STOX2: variants seen among roughly 807,000 people sequenced by gnomAD.
STOX2 encodes the protein storkhead-box protein 2.
A neutral mutation model predicts 60.9 loss-of-function variants in STOX2; 28 were observed. The ratio of observed to expected loss-of-function variants is 0.46; its 90% CI spans 0.34 to 0.63. The LOEUF (loss-of-function observed/expected upper bound fraction) is 0.63. Ranked by LOEUF, STOX2 falls within the 30% of genes least tolerant of loss-of-function variation. The pLI, the probability that STOX2 is intolerant of heterozygous loss-of-function variation, is 0.01. For missense variants in STOX2, 1,024 were observed against 1,187.7 expected, an observed-to-expected ratio of 0.86 and a Z score of 2.03; for synonymous variants, 472 against 463.9, an observed-to-expected ratio of 1.02 and a Z score of -0.22.
In STOX2 at chr4:184,017,293, C is replaced by T. The variant is rs1734417778; in HGVS notation, c.*9C>T. 1.3e-6 allele frequency: 2 copies of T among 1,579,064 alleles called. No individual in the cohort carries two copies. Among genetic ancestry groups the T allele is most frequent in the South Asian group, 1.2e-5 (1 of 86,008 alleles). On this transcript the variant is annotated 3_prime_UTR_variant, in exon 4 of 4. Transcript: ENST00000308497. The stretch of plus-strand genomic sequence containing the variant: ...CTGTTACTAGCGTGTGATTGTCCTT[C>T]TGCCTCAGATCTTCTGTCTCATTCG...
At chr4:183,968,343 TAC>T (rs60432446) in intron 1 of STOX2, among the ~76,000 whole-genome samples, 2,208 of 145,362 alleles carry the variant, frequency 0.015, 64 homozygotes, top group East Asian at 0.13. Context: ...TGCATATACC[TAC>T]ACACACACAC....
intron 1 of STOX2, among the ~76,000 whole-genome samples, chr4:183,871,375 A>G (rs888273987): frequency 7.2e-5 from 11 of 152,162 alleles, no homozygotes; most frequent in African/African-American, 2.7e-4. Context: ...AAGTTTTTGA[A>G]CCTTGAAAAG....
chr4:183,930,839 T>A (rs1742401378), intron 1 of STOX2, among the ~76,000 whole-genome samples: 2 of 152,330 alleles, frequency 1.3e-5, no homozygotes, highest in Non-Finnish European at 2.9e-5. Flanking sequence ...GATCTACAAA[T>A]TTTCTTTTTT....
intron 1 of STOX2, among the ~76,000 whole-genome samples, chr4:183,897,144 C>T (rs1378991261): frequency 6.6e-6 from 1 of 152,204 alleles, no homozygotes; most frequent in Non-Finnish European, 1.5e-5. Flanking sequence ...TTAACATTGT[C>T]AGTCATGTCA....
rs534056577 is a variant in STOX2 at position 183,993,573 on chromosome 4, C to G, written c.167-7752C>G. On this transcript the variant is annotated intron_variant, in intron 1 of 3. Coordinates refer to ENST00000308497, the MANE Select transcript of STOX2 (RefSeq NM_020225.3). ...TAGGAATTGGACCTGCTTTAAGATACCCATTAAGTGTTGAAGTAAAGCATT... is the reference window on the plus strand; with the variant it reads ...TAGGAATTGGACCTGCTTTAAGATAGCCATTAAGTGTTGAAGTAAAGCATT... Among the ~76,000 whole-genome samples the G allele has an allele frequency of 4.6e-5, 7 of 152,194 alleles. No individual in the cohort carries two copies. In the South Asian group the frequency reaches 1.2e-3, roughly 27 times the overall value.
rs1199363509 is a variant in STOX2 at position 184,006,685 on chromosome 4, CA to C, written c.320-2454del. Among the ~76,000 whole-genome samples, 386 of 76,500 alleles carry C rather than the reference CA, an allele frequency of 5.0e-3. 5 individuals are homozygous for C. Among genetic ancestry groups the C allele is most frequent in the South Asian group, 0.05 (94 of 1,896 alleles). 50.2% of individuals were successfully genotyped at this position (76,500 alleles called of 152,430 possible). On this transcript the variant is annotated intron_variant, in intron 2 of 3. Transcript: ENST00000308497. ...CCTGCGCAAGGGTGAGACCCTGTCT[CA>C]AAAAAAAAAAAAAAAAAAGGAAAAA...
chr4:184,007,015 C>CAAAAAAAAAAAA (rs61393267), intron 2 of STOX2, among the ~76,000 whole-genome samples: 6 of 52,764 alleles, frequency 1.1e-4, no homozygotes, highest in African/African-American at 4.5e-4. Context: ...GACTCTGTCT[C>CAAAAAAAAAAAA]AAAAAAAAAA....
Position 184,010,748 on chromosome 4 carries a change from C to T in STOX2, c.1910C>T (p.Ser637Phe), listed in dbSNP as rs1422184560. The T allele has an allele frequency of 6.3e-7, 1 of 1,588,750 alleles. No homozygotes were observed. ...TTGGCAGAAGGGGTGAAAAAGCTCT[C>T]CCCTTCTGATAGGCAGGTCCCCCAC... ...LTLAEGVKKL[S>F]PSDRQVPHSS... Residue 637 changes from serine (S) to phenylalanine (F), a missense_variant, in exon 3 of 4, where the codon TCC (serine) becomes TTC (phenylalanine). This residue lies in a region of STOX2 where 922 missense variants were observed against 1,058.3 expected (regional missense o/e 0.87). Coordinates refer to ENST00000308497, the MANE Select transcript of STOX2 (RefSeq NM_020225.3). The surrounding 1 kb of genome is among the most constrained non-coding windows in gnomAD (Gnocchi z 4.5).
In STOX2 at chr4:183,950,288, G is replaced by C. The variant is rs571724842; in HGVS notation, c.166+43332G>C. Among the ~76,000 whole-genome samples, 3 of 152,276 alleles carry C rather than the reference G, an allele frequency of 2.0e-5. No individual in the cohort carries two copies. The South Asian group carries it at 6.2e-4, about 32-fold the overall frequency. On this transcript the variant is annotated intron_variant, in intron 1 of 3. Transcript: ENST00000308497. ...GTGTGGGGGATTATCCAAGGATATCGGGTAGTGAGCAAAGTTGAAATGGTC... is the reference window on the plus strand; with the variant it reads ...GTGTGGGGGATTATCCAAGGATATCCGGTAGTGAGCAAAGTTGAAATGGTC...
intron 1 of STOX2, among the ~76,000 whole-genome samples, chr4:183,949,476 G>A (rs1743003711): frequency 6.6e-6 from 1 of 152,028 alleles, no homozygotes. Flanking sequence ...GAGGTGGGCG[G>A]ATTACAAGGT....
At chr4:183,818,915 G>A (rs1041576470) in intron 1 of STOX2, among the ~76,000 whole-genome samples, 17 of 152,064 alleles carry the variant, frequency 1.1e-4, no homozygotes, top group Non-Finnish European at 1.9e-4. Flanking sequence ...TGGGATGGCG[G>A]CCGGGAAGAG....
intron 1 of STOX2, among the ~76,000 whole-genome samples, chr4:183,968,851 T>G (rs1048525937): frequency 6.6e-6 from 1 of 152,194 alleles, no homozygotes; most frequent in Non-Finnish European, 1.5e-5. Flanking sequence ...AGAGGGAAAT[T>G]TTAAAGACTT....
intron 3 of STOX2, chr4:184,014,826 A>C (rs1319024962): frequency 1.3e-5 from 2 of 152,184 alleles, no homozygotes; most frequent in African/African-American, 4.8e-5. Flanking sequence ...CTTACAGTAG[A>C]GACAGACCCC....
intron 1 of STOX2, among the ~76,000 whole-genome samples, chr4:183,890,536 A>AGGAAGGAGAGAGGGAGAGAGGGAG (rs1741184648): frequency 8.2e-6 from 1 of 122,524 alleles, no homozygotes; most frequent in Admixed American, 9.3e-5. Flanking sequence ...AAAGGAGGGA[A>AGGAAGGAGAGAGGGAGAGAGGGAG]GGAAGGAGAG....
In STOX2 at chr4:184,020,317, G is replaced by C. The variant is rs954699386; in HGVS notation, c.*3033G>C. On this transcript the variant is annotated 3_prime_UTR_variant, in exon 4 of 4. Coordinates refer to ENST00000308497, the MANE Select transcript of STOX2 (RefSeq NM_020225.3). Reference sequence around the variant, plus strand: ...CTTCTCCTCTCTTCCCCACGAAAGCGCACTCGATTTTGTTAGGAATGAACG... The same window carrying C: ...CTTCTCCTCTCTTCCCCACGAAAGCCCACTCGATTTTGTTAGGAATGAACG... The C allele has an allele frequency of 3.9e-5, 6 of 151,958 alleles. No individual in the cohort carries two copies. The highest frequency in any genetic ancestry group is 1.5e-4 in the African/African-American group (6 of 41,344). The allele number at this position is 151,958 out of a possible 1,614,324, so 9.4% of individuals were successfully genotyped here.
At chr4:183,892,190 C>T (rs185297547) in intron 1 of STOX2, among the ~76,000 whole-genome samples, 2 of 152,344 alleles carry the variant, frequency 1.3e-5, no homozygotes, top group Non-Finnish European at 2.9e-5. Context: ...TCCGGGCCGC[C>T]CTCCCCTCGT....
At chr4:183,803,777 A>G (rs1261872880) in intron 1 of STOX2, among the ~76,000 whole-genome samples, 4 of 152,172 alleles carry the variant, frequency 2.6e-5, no homozygotes, top group Non-Finnish European at 5.9e-5. Context: ...AGCCTGGCCA[A>G]CATGGTGAAA....
intron 1 of STOX2, among the ~76,000 whole-genome samples, chr4:183,862,750 C>T (rs1740477768): frequency 6.6e-6 from 1 of 152,198 alleles, no homozygotes; most frequent in African/African-American, 2.4e-5. Flanking sequence ...AATTAGTGTC[C>T]TGAGAAAAAC....
At chr4:183,987,575 T>C (rs1732901155) in intron 1 of STOX2, 1 of 152,118 alleles carries the variant, frequency 6.6e-6, no homozygotes, top group African/African-American at 2.4e-5. Flanking sequence ...CGATTGGAGT[T>C]GTGTTGTAAG....
Sources: allele counts gnomAD v4.1 joint callset (sites outside exome capture counted in the v4.1 genomes callset), GRCh38; gene constraint gnomAD v4.1.1; regional missense constraint gnomAD v4.1.1; non-coding constraint Gnocchi (gnomAD v3.1); transcripts MANE v1.5; gene names NCBI Gene and HGNC (gene_info 2026-07-23, HGNC 2026-07-21).